Variants in TWIST2 observed in about 807,000 individuals in gnomAD.
TWIST2 encodes twist family bHLH transcription factor 2.
In TWIST2, 1 loss-of-function variant was observed where a neutral mutation model predicts 11.6. That is an observed-to-expected ratio of 0.09 (90% confidence interval 0.03 to 0.41). TWIST2 has a LOEUF of 0.41. Ranked by LOEUF, TWIST2 falls within the 10% of genes least tolerant of loss-of-function variation. TWIST2 has a pLI of 0.98. For synonymous variants in TWIST2, 87 were observed against 96.6 expected (o/e 0.90, Z 0.58); for missense variants, 168 against 226.4 (o/e 0.74, Z 1.66).
At chr2:238,856,296 T>A (rs1474915155) in intron 1 of TWIST2, among the ~76,000 whole-genome samples, 2 of 152,222 alleles carry the variant, frequency 1.3e-5, no homozygotes, top group African/African-American at 4.8e-5. Flanking sequence ...TCTTTCAGAC[T>A]ATTTTTTTCT....
intron 1 of TWIST2, among the ~76,000 whole-genome samples, chr2:238,848,962 C>T (rs952311810): frequency 6.6e-6 from 1 of 151,942 alleles, no homozygotes; most frequent in Non-Finnish European, 1.5e-5. Context: ...TGGGAACCGG[C>T]GGACCGGTGA....
In TWIST2 at chr2:238,908,518, C is replaced by G. The variant is rs939026515; in HGVS notation, c.*36-1324C>G. On this transcript the variant is annotated intron_variant, in intron 1 of 1. Transcript: ENST00000612363. The stretch of plus-strand genomic sequence containing the variant: ...CATACATACCCCACACCACACACAC[C>G]CACACGAGTGACATGTGAATAAGCT... Among the ~76,000 whole-genome samples, 695 of 152,248 alleles carry G rather than the reference C, an allele frequency of 4.6e-3. 9 individuals are homozygous for G. Among genetic ancestry groups the G allele is most frequent in the African/African-American group, 0.016 (654 of 41,542 alleles).
At chr2:238,870,449 C>T (rs796070476) in intron 1 of TWIST2, among the ~76,000 whole-genome samples, 2 of 21,090 alleles carry the variant, frequency 9.5e-5, no homozygotes, top group Admixed American at 9.7e-4. Context: ...ACCACACACC[C>T]CACACACACC....
intron 1 of TWIST2, among the ~76,000 whole-genome samples, chr2:238,895,945 T>C (rs1382344947): frequency 6.6e-6 from 1 of 152,202 alleles, no homozygotes; most frequent in Non-Finnish European, 1.5e-5. Context: ...CCTGGGTCCC[T>C]GAAGCCAAGC....
intron 1 of TWIST2, among the ~76,000 whole-genome samples, chr2:238,896,146 G>T (rs993834334): frequency 9.1e-4 from 138 of 152,246 alleles, no homozygotes; most frequent in African/African-American, 2.8e-3. Context: ...AGTCACGGAG[G>T]GGGGAGAGAG....
intron 1 of TWIST2, among the ~76,000 whole-genome samples, chr2:238,906,195 T>C (rs1413463284): frequency 2.0e-5 from 3 of 152,026 alleles, no homozygotes; most frequent in Non-Finnish European, 4.4e-5. Flanking sequence ...TGCACACTGC[T>C]GTGCGACATC....
intron 1 of TWIST2, among the ~76,000 whole-genome samples, chr2:238,900,231 AGT>A (rs1693253390): frequency 6.6e-6 from 1 of 152,200 alleles, no homozygotes; most frequent in South Asian, 2.1e-4. Context: ...GAGAATTAAG[AGT>A]GTGAGTTCAC....
At position 238,867,828 on chromosome 2, in the gene TWIST2, C is replaced by T. The variant is rs575331990; in HGVS notation, c.*35+19095C>T. Among the ~76,000 whole-genome samples, 16 of 152,206 alleles carry T rather than the reference C, an allele frequency of 1.1e-4. No individual in the cohort carries two copies. In the South Asian group the frequency reaches 2.3e-3, roughly 22 times the overall value. ...GTTCCCAGAGCTGAGGGGCATCCCT[C>T]GAAGGCGGGAGGGAGAGAAGTGGGA... is the stretch of plus-strand genomic sequence containing the variant. On this transcript the variant is annotated intron_variant, in intron 1 of 1. Coordinates refer to ENST00000612363, the MANE Select transcript of TWIST2 (RefSeq NM_001271893.4). The surrounding 1 kb of genome is among the most constrained non-coding windows in gnomAD (Gnocchi z 4.8).
At chr2:238,860,602 C>T (rs1338127043) in intron 1 of TWIST2, among the ~76,000 whole-genome samples, 2 of 152,210 alleles carry the variant, frequency 1.3e-5, no homozygotes, top group African/African-American at 4.8e-5. Flanking sequence ...TGGAGCAAAT[C>T]CCAAAGGATC....
intron 1 of TWIST2, among the ~76,000 whole-genome samples, chr2:238,859,794 CAT>C (rs1456067781): frequency 6.6e-6 from 1 of 152,170 alleles, no homozygotes; most frequent in Non-Finnish European, 1.5e-5. Context: ...CACACACACA[CAT>C]GCATGCACGC....
chr2:238,859,969 T>G (rs1189961560), intron 1 of TWIST2, among the ~76,000 whole-genome samples: 3 of 152,178 alleles, frequency 2.0e-5, no homozygotes, highest in Non-Finnish European at 4.4e-5. Flanking sequence ...CCATGCTGCT[T>G]GCAGTCAGCC....
chr2:238,883,893 G>A (rs1163907233), intron 1 of TWIST2, among the ~76,000 whole-genome samples: 1 of 152,176 alleles, frequency 6.6e-6, no homozygotes, highest in Non-Finnish European at 1.5e-5. Context: ...AGTAATTCAT[G>A]GCCGATCAGA....
At chr2:238,853,389 G>A (rs1425170899) in intron 1 of TWIST2, among the ~76,000 whole-genome samples, 3 of 147,020 alleles carry the variant, frequency 2.0e-5, no homozygotes, top group Admixed American at 6.7e-5. Flanking sequence ...GAGGGAGAGA[G>A]AGAGAGAGAG....
chr2:238,898,161 C>T (rs924057829), intron 1 of TWIST2, among the ~76,000 whole-genome samples: 4 of 152,236 alleles, frequency 2.6e-5, no homozygotes, highest in Admixed American at 6.5e-5. Flanking sequence ...GGGCCAGCCC[C>T]GAGCAGGGAG....
intron 1 of TWIST2, among the ~76,000 whole-genome samples, chr2:238,874,098 G>A (rs1449163213): frequency 1.3e-5 from 2 of 152,198 alleles, no homozygotes; most frequent in South Asian, 4.1e-4. Context: ...TGTTGATGGA[G>A]GGGATGGCGA....
chr2:238,891,895 G>A (rs964249974), intron 1 of TWIST2, among the ~76,000 whole-genome samples: 3 of 152,204 alleles, frequency 2.0e-5, no homozygotes, highest in East Asian at 1.9e-4. Flanking sequence ...CAGCCACTGC[G>A]TGTGGGAAGA....
intron 1 of TWIST2, among the ~76,000 whole-genome samples, chr2:238,904,923 G>T (rs938841888): frequency 6.6e-6 from 1 of 151,858 alleles, no homozygotes; most frequent in African/African-American, 2.4e-5. Flanking sequence ...AGGACAGGTG[G>T]TACATCAATG....
intron 1 of TWIST2, among the ~76,000 whole-genome samples, chr2:238,857,860 C>T (rs1014494000): frequency 6.6e-6 from 1 of 152,126 alleles, no homozygotes; most frequent in African/African-American, 2.4e-5. Flanking sequence ...TCACTTGAAC[C>T]CAGGAGGCAG....
rs1247762519 is a variant in TWIST2, at chr2:238,864,045, C to T, written c.*35+15312C>T. Among the ~76,000 whole-genome samples the T allele has an allele frequency of 2.6e-5, 4 of 152,186 alleles. No homozygotes were observed. The highest frequency in any genetic ancestry group is 3.8e-4 in the East Asian group (2 of 5,200). On this transcript the variant is annotated intron_variant, in intron 1 of 1. Transcript: ENST00000612363. This position sits in a 1 kb window ranked among gnomAD's most constrained non-coding sequence, Gnocchi z 4.7. ...AGATTCTTCGCCATAATCTAATTTT[C>T]GTTAAGCCTGTCTTCCTTTACACCC...
Sources: gnomAD v4.1 joint callset for allele counts (sites outside exome capture counted in the v4.1 genomes callset) on GRCh38, gnomAD v4.1.1 for gene constraint, Gnocchi (gnomAD v3.1) non-coding constraint, MANE v1.5 for transcripts, NCBI Gene and HGNC (gene_info 2026-07-23, HGNC 2026-07-21) for gene names.